SYBU: variants seen among roughly 807,000 people sequenced by gnomAD.
The protein encoded by SYBU is syntabulin, also known as GOLSYN A protein.
A neutral mutation model predicts 35.9 loss-of-function variants in SYBU; 21 were observed. The ratio of observed to expected loss-of-function variants is 0.58; its 90% confidence interval spans 0.41 to 0.84. The LOEUF is 0.84. Among genes scored for constraint, SYBU ranks in the 40% least tolerant of loss-of-function variants. SYBU has a pLI of 0.00. For missense variants in SYBU, 768 were observed against 848.2 expected, an observed-to-expected ratio of 0.91 and a Z score of 1.17; for synonymous variants, 319 against 324.3, an observed-to-expected ratio of 0.98 and a Z score of 0.18.
Position 109,618,854 on chromosome 8 carries a change from G to C in SYBU, c.415C>G (p.Leu139Val). 2 of 1,614,062 alleles carry C rather than the reference G, an allele frequency of 1.2e-6. No homozygotes were observed. Among genetic ancestry groups the C allele is most frequent in the Non-Finnish European group, 1.7e-6 (2 of 1,179,914 alleles). The stretch of plus-strand genomic sequence containing the variant: ...TAAGTTCACTGACCTGGTTTCACAA[G>C]GCCTGACTTTGATTCCTTCTTATAT... ...SRYKKESKSG[L>V]VKPGSEADFS... The change falls in exon 3 of 7, where the codon CTT becomes GTT. Residue 139 changes from leucine to valine, a missense_variant. Leu to Val is a conservative substitution (Grantham distance 32). Transcript: ENST00000276646.
chr8:109,630,835 T>A (rs1813536444), intron 2 of SYBU, among the ~76,000 whole-genome samples: 1 of 152,160 alleles, frequency 6.6e-6, no homozygotes, highest in Non-Finnish European at 1.5e-5. Context: ...TGGAGCATCA[T>A]CACCCTACAG....
chr8:109,671,932 G>A (rs766119333), intron 1 of SYBU, among the ~76,000 whole-genome samples: 26 of 151,930 alleles, frequency 1.7e-4, no homozygotes, highest in Non-Finnish European at 2.6e-4. Flanking sequence ...ATGGAGTTTC[G>A]CTCTTGTTGC....
intron 5 of SYBU, among the ~76,000 whole-genome samples, chr8:109,578,770 A>G (rs569313357): frequency 6.6e-6 from 1 of 152,218 alleles, no homozygotes; most frequent in Non-Finnish European, 1.5e-5. Flanking sequence ...GAAGCCAGCC[A>G]GAGGACCTAA....
At chr8:109,654,832 T>G in intron 1 of SYBU, among the ~76,000 whole-genome samples, 1 of 152,234 alleles carries the variant, frequency 6.6e-6, no homozygotes, top group Admixed American at 6.5e-5. Flanking sequence ...CTGTCTCCCC[T>G]TAACCATTAC....
chr8:109,602,189 T>C (rs1825606471), intron 3 of SYBU, among the ~76,000 whole-genome samples: 1 of 152,182 alleles, frequency 6.6e-6, no homozygotes, highest in Non-Finnish European at 1.5e-5. Context: ...AAAGTCAAGT[T>C]AAACATTAAA....
chr8:109,575,956 A>G lies in SYBU; in HGVS notation c.942T>C (p.Ile314=), dbSNP rs1177809260. 1 of 1,611,328 alleles carries G rather than the reference A, an allele frequency of 6.2e-7. No homozygotes were observed. The highest frequency in any genetic ancestry group is 1.1e-5 in the South Asian group (1 of 91,016). Reference sequence around the variant, plus strand: ...CCTCTACCCGGTGACACTCCTCCTCAATCCAGTCCTCTCGCATGCGGGCCA... The same window carrying G: ...CCTCTACCCGGTGACACTCCTCCTCGATCCAGTCCTCTCGCATGCGGGCCA... The part of the protein sequence containing the change: ...SQLARMREDW[I]EEECHRVEAQ... The change falls in exon 7 of 7, where the codon ATT becomes ATC. Residue 314 remains isoleucine, a synonymous_variant. Transcript: ENST00000276646.
At chr8:109,597,358 C>A (rs574021805) in intron 3 of SYBU, among the ~76,000 whole-genome samples, 1 of 152,014 alleles carries the variant, frequency 6.6e-6, no homozygotes, top group African/African-American at 2.4e-5. Flanking sequence ...AAGTTGCAAG[C>A]GAAGAAAAGA....
intron 3 of SYBU, among the ~76,000 whole-genome samples, chr8:109,593,206 G>A (rs1190018058): frequency 6.6e-6 from 1 of 152,182 alleles, no homozygotes. Context: ...ATGAGGAAGA[G>A]AGCTCCAAAG....
At position 109,641,837 on chromosome 8, in the gene SYBU, C is replaced by T. The variant is rs541237773; in HGVS notation, c.229+891G>A. The stretch of plus-strand genomic sequence containing the variant: ...TGGAGAGGATGTGGAGAAATAGGAA[C>T]GTTTTTACACTGTTGGTGGGAGTGT... On this transcript the variant is annotated intron_variant, in intron 2 of 6. Transcript: ENST00000276646. Among the ~76,000 whole-genome samples, 10 of 152,294 alleles carry T rather than the reference C, an allele frequency of 6.6e-5. 1 individual carries two copies. The South Asian group carries it at 1.2e-3, about 19-fold the overall frequency.
chr8:109,655,057 T>C (rs1264013218), intron 1 of SYBU, among the ~76,000 whole-genome samples: 1 of 152,226 alleles, frequency 6.6e-6, no homozygotes, highest in Non-Finnish European at 1.5e-5. Context: ...ATGAAATCTT[T>C]CAATGCTCAC....
At chr8:109,586,021 G>T in intron 4 of SYBU, 39 bp downstream of exon 4, 3 of 1,482,188 alleles carry the variant, frequency 2.0e-6, no homozygotes, top group Non-Finnish European at 2.8e-6. Flanking sequence ...AGTCACCTGT[G>T]TAAAGCGTCT....
intron 3 of SYBU, among the ~76,000 whole-genome samples, chr8:109,601,411 C>T (rs1398111011): frequency 2.0e-5 from 3 of 152,194 alleles, no homozygotes; most frequent in Non-Finnish European, 4.4e-5. Context: ...ATGCGTTAAA[C>T]ACTTCCTAGG....
intron 1 of SYBU, among the ~76,000 whole-genome samples, chr8:109,677,103 T>C (rs968284095): frequency 1.3e-5 from 2 of 152,074 alleles, no homozygotes; most frequent in African/African-American, 4.8e-5. Context: ...AGTTGGTTTG[T>C]TGGATAGAGG....
At chr8:109,596,896 C>T (rs1457248942) in intron 3 of SYBU, among the ~76,000 whole-genome samples, 1 of 152,160 alleles carries the variant, frequency 6.6e-6, no homozygotes, top group Non-Finnish European at 1.5e-5. Flanking sequence ...AAAAGAAATG[C>T]TCTGTGGATC....
Position 109,623,247 on chromosome 8 carries a change from G to T in SYBU, c.230-4208C>A, listed in dbSNP as rs1051509239. On this transcript the variant is annotated intron_variant, in intron 2 of 6. Coordinates refer to ENST00000276646, the MANE Select transcript of SYBU (RefSeq NM_001099754.2). ...GACGGGTCCAAGATAGCCTCTGGTG[G>T]AACTCAGGTAAACATTACCCTCCTC... Among the ~76,000 whole-genome samples, 6 of 152,138 alleles carry T rather than the reference G, an allele frequency of 3.9e-5. No individual in the cohort carries two copies. In the South Asian group the frequency reaches 1.2e-3, roughly 31 times the overall value.
chr8:109,638,141 G>C (rs183868210), intron 2 of SYBU, among the ~76,000 whole-genome samples: 1 of 152,284 alleles, frequency 6.6e-6, no homozygotes, highest in East Asian at 1.9e-4. Flanking sequence ...CACCTGCCAT[G>C]TTTACAAGGC....
In SYBU at chr8:109,574,008, G is replaced by A. The variant is rs1821940173; in HGVS notation, c.*898C>T. 6.6e-6 allele frequency: 1 copy of A among 152,146 alleles called. No individual in the cohort carries two copies. Among genetic ancestry groups the A allele is most frequent in the African/African-American group, 2.4e-5 (1 of 41,432 alleles). 9.4% of individuals were successfully genotyped at this position (152,146 alleles called of 1,614,324 possible). A position where few individuals can be genotyped will look rare whatever the true frequency, so the allele number is the denominator to read the frequency against. Reference sequence around the variant, plus strand: ...AAGTAAACAAATCTACTTTTATTCAGAAATGATGCTTTTTAAGTAAGGGTA... The same window carrying A: ...AAGTAAACAAATCTACTTTTATTCAAAAATGATGCTTTTTAAGTAAGGGTA... On this transcript the variant is annotated 3_prime_UTR_variant, in exon 7 of 7. Transcript: ENST00000276646.
At chr8:109,677,035 T>C (rs1238894141) in intron 1 of SYBU, among the ~76,000 whole-genome samples, 1 of 118,338 alleles carries the variant, frequency 8.5e-6, no homozygotes, top group Non-Finnish European at 1.9e-5. Context: ...AGGGTGTTCA[T>C]GTGTGTGTGT....
At chr8:109,670,376 T>TA (rs1287308936) in intron 1 of SYBU, among the ~76,000 whole-genome samples, 13 of 150,028 alleles carry the variant, frequency 8.7e-5, no homozygotes, top group Admixed American at 1.3e-4. Flanking sequence ...TAGGTATATC[T>TA]AAAAAAAAAT....
Sources: gnomAD v4.1 joint callset for allele counts (sites outside exome capture counted in the v4.1 genomes callset) on GRCh38, gnomAD v4.1.1 for gene constraint, MANE v1.5 for transcripts, NCBI Gene and HGNC (gene_info 2026-07-23, HGNC 2026-07-21) for gene names.